Variants in SPAG16 observed in about 807,000 individuals in gnomAD.
SPAG16 encodes sperm-associated antigen 16 protein.
Under a neutral mutation model 80.4 loss-of-function variants are expected in SPAG16, and 86 were observed. The observed-to-expected ratio is 1.07, with a 90% CI of 0.90 to 1.28. SPAG16 has a LOEUF of 1.28. SPAG16 is among the 50% of genes most tolerant of loss of function. The pLI is 0.00. For missense variants in SPAG16, 870 were observed against 765.3 expected (o/e 1.14, Z -1.61); for synonymous variants, 294 against 265.9 (o/e 1.11, Z -1.03).
intron 10 of SPAG16, among the ~76,000 whole-genome samples, chr2:213,843,101 TATTGTAGAC>T (rs1387625313): frequency 2.0e-5 from 3 of 152,152 alleles, no homozygotes; most frequent in African/African-American, 7.2e-5. Flanking sequence ...TAGGTGCCAT[TATTGTAGAC>T]ATCTTTTTTT....
At chr2:214,287,953 A>G (rs1693483626) in intron 15 of SPAG16, among the ~76,000 whole-genome samples, 1 of 152,138 alleles carries the variant, frequency 6.6e-6, no homozygotes, top group South Asian at 2.1e-4. Flanking sequence ...AGCTACTTGG[A>G]AATATACAAT....
intron 11 of SPAG16, among the ~76,000 whole-genome samples, chr2:213,910,088 A>G (rs2077598513): frequency 6.6e-6 from 1 of 152,210 alleles, no homozygotes. Flanking sequence ...GCTTAATTTT[A>G]TTAGATTTTG....
chr2:213,300,864 C>T (rs28897188), intron 3 of SPAG16, among the ~76,000 whole-genome samples: 31,731 of 151,874 alleles, frequency 0.21, 4,313 homozygotes, highest in Non-Finnish European at 0.31. Context: ...AAGTTTGAGA[C>T]ATTTTATAGA....
intron 15 of SPAG16, among the ~76,000 whole-genome samples, chr2:214,365,508 GA>G (rs1699423691): frequency 6.6e-6 from 1 of 152,036 alleles, no homozygotes; most frequent in African/African-American, 2.4e-5. Context: ...GTAACCCTAT[GA>G]ATTTTAAATA....
chr2:214,020,715 A>G (rs901996567), intron 13 of SPAG16, among the ~76,000 whole-genome samples: 1 of 152,164 alleles, frequency 6.6e-6, no homozygotes. Context: ...TTCATCCACT[A>G]ATTATGCAAA....
chr2:213,523,475 G>T (rs999946908), intron 10 of SPAG16, among the ~76,000 whole-genome samples: 1 of 152,202 alleles, frequency 6.6e-6, no homozygotes. Flanking sequence ...ACCCAAAAAT[G>T]TGGAAGTGAC....
chr2:214,191,727 G>GAA (rs367694225), intron 15 of SPAG16, among the ~76,000 whole-genome samples: 17,864 of 115,458 alleles, frequency 0.15, 1,841 homozygotes, highest in African/African-American at 0.31. Context: ...AAAAAAAAAA[G>GAA]AAAAAAAAAA....
chr2:214,192,051 G>C (rs2057683867), intron 15 of SPAG16, among the ~76,000 whole-genome samples: 1 of 151,968 alleles, frequency 6.6e-6, no homozygotes, highest in African/African-American at 2.4e-5. Flanking sequence ...ATTGCTCTAA[G>C]AGAAGCTAAA....
At chr2:213,889,203 A>G (rs1024751334) in intron 11 of SPAG16, among the ~76,000 whole-genome samples, 9 of 151,996 alleles carry the variant, frequency 5.9e-5, no homozygotes, top group Non-Finnish European at 1.0e-4. Flanking sequence ...TTAAAATTAT[A>G]TGTAAAATAA....
chr2:213,834,598 T>C (rs2073974673), intron 10 of SPAG16, among the ~76,000 whole-genome samples: 1 of 152,068 alleles, frequency 6.6e-6, no homozygotes, highest in African/African-American at 2.4e-5. Context: ...TTTTATGGCT[T>C]GCTTTGTGGG....
At chr2:214,089,209 C>T (rs764514358) in intron 13 of SPAG16, among the ~76,000 whole-genome samples, 8 of 151,978 alleles carry the variant, frequency 5.3e-5, no homozygotes, top group Non-Finnish European at 7.4e-5. Flanking sequence ...ATAAATCTCT[C>T]TCAGTATGTG....
intron 9 of SPAG16, among the ~76,000 whole-genome samples, chr2:213,489,581 G>C (rs2074152683): frequency 6.6e-6 from 1 of 152,048 alleles, no homozygotes; most frequent in Non-Finnish European, 1.5e-5. Context: ...GGGGACAAAA[G>C]GGGCATAAGA....
intron 12 of SPAG16, among the ~76,000 whole-genome samples, chr2:214,009,586 A>G (rs1429976486): frequency 6.6e-6 from 1 of 152,216 alleles, no homozygotes; most frequent in Non-Finnish European, 1.5e-5. Context: ...GCAGATTGCC[A>G]TAGATGAGGC....
intron 13 of SPAG16, among the ~76,000 whole-genome samples, chr2:214,045,943 T>G (rs1284840230): frequency 6.6e-6 from 1 of 151,822 alleles, no homozygotes; most frequent in Admixed American, 6.6e-5. Flanking sequence ...AAGTTAAAAT[T>G]GACATACTTT....
At chr2:213,500,907 G>A (rs926936855) in intron 10 of SPAG16, among the ~76,000 whole-genome samples, 1 of 152,326 alleles carries the variant, frequency 6.6e-6, no homozygotes, top group Middle Eastern at 3.4e-3. Context: ...AAAGGGATAA[G>A]AAAGTTGAAA....
chr2:214,257,110 CA>C (rs1225029996), intron 15 of SPAG16, among the ~76,000 whole-genome samples: 1 of 151,640 alleles, frequency 6.6e-6, no homozygotes, highest in Admixed American at 6.6e-5. Flanking sequence ...TGTAAAGCTC[CA>C]ATATTGTTTT....
intron 15 of SPAG16, among the ~76,000 whole-genome samples, chr2:214,407,908 T>C (rs1438467867): frequency 6.6e-6 from 1 of 152,180 alleles, no homozygotes; most frequent in Non-Finnish European, 1.5e-5. Context: ...AAGTTGAACA[T>C]GATTATAAAC....
chr2:214,158,250 T>A (rs1176863675), intron 15 of SPAG16, among the ~76,000 whole-genome samples: 3 of 152,152 alleles, frequency 2.0e-5, no homozygotes, highest in African/African-American at 7.2e-5. Context: ...CATAATATTC[T>A]AAAATAAAAT....
chr2:213,672,441 C>G (rs1281928259), intron 10 of SPAG16, among the ~76,000 whole-genome samples: 1 of 151,862 alleles, frequency 6.6e-6, no homozygotes, highest in Non-Finnish European at 1.5e-5. Flanking sequence ...AACAACCCTT[C>G]TCAGGTAAGA....
Sources: allele counts gnomAD v4.1 joint callset (sites outside exome capture counted in the v4.1 genomes callset), GRCh38; gene constraint gnomAD v4.1.1; transcripts MANE v1.5; gene names NCBI Gene and HGNC (gene_info 2026-07-23, HGNC 2026-07-21).